RHD: variants seen among roughly 807,000 people sequenced by gnomAD.
The protein encoded by RHD is Rh blood group D antigen, also known as blood group Rh(D) polypeptide.
In RHD, 16 loss-of-function variants were observed where a neutral mutation model predicts 45.5. The observed-to-expected ratio is 0.35, with a 90% CI of 0.24 to 0.53. RHD has a LOEUF of 0.53. Ranked by LOEUF, RHD falls within the 20% of genes least tolerant of loss-of-function variation. RHD has a pLI of 0.92. For synonymous variants in RHD, 131 were observed against 217.5 expected (o/e 0.60, Z 3.50); for missense variants, 306 against 532.0 (o/e 0.58, Z 4.18).
intron 6 of RHD, among the ~76,000 whole-genome samples, chr1:25,305,838 G>A (rs1389690804): frequency 7.6e-6 from 1 of 130,976 alleles, no homozygotes; most frequent in South Asian, 2.3e-4. Context: ...CCGACTTCAG[G>A]TGATCCACCC....
At chr1:25,288,120 T>G (rs1287397807) in intron 2 of RHD, among the ~76,000 whole-genome samples, 3 of 132,362 alleles carry the variant, frequency 2.3e-5, no homozygotes, top group Non-Finnish European at 5.4e-5. Context: ...TGGGTTCAGG[T>G]GATCCTCCTG....
At chr1:25,280,554 C>A (rs1641397287) in intron 1 of RHD, among the ~76,000 whole-genome samples, 1 of 128,036 alleles carries the variant, frequency 7.8e-6, no homozygotes, top group Non-Finnish European at 1.8e-5. Flanking sequence ...GATCTGCCCA[C>A]CTCAGCCTCC....
chr1:25,302,989 A>G lies in RHD; in HGVS notation c.802-333A>G, dbSNP rs1381352746. Among the ~76,000 whole-genome samples the G allele has an allele frequency of 1.2e-4, 16 of 130,464 alleles. 2 individuals are homozygous for G. Among genetic ancestry groups the G allele is most frequent in the African/African-American group, 4.2e-4 (16 of 37,884 alleles). The allele number at this position is 130,464 out of a possible 152,430, so 85.6% of individuals were successfully genotyped here. On this transcript the variant is annotated intron_variant, in intron 5 of 9. Coordinates refer to ENST00000328664, the MANE Select transcript of RHD (RefSeq NM_016124.6). Reference sequence around the variant, plus strand: ...CAAGACCCTGTCTCTAAAAAATAAAACAAAAACCCATTCTTCCCGCTGCCC... The same window carrying G: ...CAAGACCCTGTCTCTAAAAAATAAAGCAAAAACCCATTCTTCCCGCTGCCC...
In RHD at chr1:25,280,769, G is replaced by A. The variant is rs923862727; in HGVS notation, c.149-3804G>A. Among the ~76,000 whole-genome samples, 11 of 130,498 alleles carry A rather than the reference G, an allele frequency of 8.4e-5. 1 individual carries two copies. Among genetic ancestry groups the A allele is most frequent in the African/African-American group, 2.4e-4 (9 of 38,090 alleles). 85.6% of individuals were successfully genotyped at this position (130,498 alleles called of 152,430 possible). On this transcript the variant is annotated intron_variant, in intron 1 of 9. Coordinates refer to ENST00000328664, the MANE Select transcript of RHD (RefSeq NM_016124.6). ...TGGGACTACAGGCACTCGCCACCAC[G>A]CCCAAGTAATTTTGTATTTTTTGTA... is the stretch of plus-strand genomic sequence containing the variant.
At chr1:25,323,573 C>T (rs537576460) in intron 9 of RHD, among the ~76,000 whole-genome samples, 1 of 125,616 alleles carries the variant, frequency 8.0e-6, no homozygotes, top group Non-Finnish European at 1.9e-5. Context: ...GATCCTCCCC[C>T]CTCAGCCTCC....
chr1:25,282,893 G>T (rs1343131872), intron 1 of RHD, among the ~76,000 whole-genome samples: 2 of 120,032 alleles, frequency 1.7e-5, no homozygotes, highest in Admixed American at 1.6e-4. Flanking sequence ...ACTCTGTCTC[G>T]AAAAAAAAAA....
chr1:25,321,531 G>GTGGT lies in RHD; in HGVS notation c.1154-357_1154-354dup, dbSNP rs1020056005. ...AAAAAAAAAAAAAAATTAGCTGGAT[G>GTGGT]TGGTGGCAGGCGCCTATAATCTCAG... On this transcript the variant is annotated intron_variant, in intron 8 of 9. Transcript: ENST00000328664. 1.2e-4 allele frequency among the ~76,000 whole-genome samples: 14 copies of GTGGT among 120,894 alleles called. 2 individuals are homozygous for GTGGT. The highest frequency in any genetic ancestry group is 3.6e-4 in the African/African-American group (13 of 36,356). The allele number at this position is 120,894 out of a possible 152,430, so 79.3% of individuals were successfully genotyped here. A position where few individuals can be genotyped will look rare whatever the true frequency, so the allele number is the denominator to read the frequency against.
At chr1:25,275,088 G>A (rs1221863119) in intron 1 of RHD, among the ~76,000 whole-genome samples, 2 of 132,144 alleles carry the variant, frequency 1.5e-5, no homozygotes, top group African/African-American at 5.2e-5. Flanking sequence ...TCAGGAGTTC[G>A]AGACCAGCCT....
intron 3 of RHD, among the ~76,000 whole-genome samples, chr1:25,292,430 G>T (rs1183398334): frequency 7.6e-6 from 1 of 132,368 alleles, no homozygotes; most frequent in African/African-American, 2.6e-5. Context: ...GATGGGAAGT[G>T]GTTGGATCCT....
chr1:25,307,176 A>T (rs1361676252), intron 7 of RHD, among the ~76,000 whole-genome samples: 2 of 132,004 alleles, frequency 1.5e-5, no homozygotes, highest in African/African-American at 5.2e-5. Context: ...GACTGTTGGG[A>T]TGCTACTGGA....
In RHD at chr1:25,277,518, G is replaced by A. The variant is rs1466156794; in HGVS notation, c.148+4823G>A. The stretch of plus-strand genomic sequence containing the variant: ...GTTCGAGAATTCCTGGAGCTAGACT[G>A]ATTCAAATCTTGCCTCTGTATCTTA... On this transcript the variant is annotated intron_variant, in intron 1 of 9. Transcript: ENST00000328664. 1.5e-5 allele frequency among the ~76,000 whole-genome samples: 2 copies of A among 132,766 alleles called. 1 individual carries two copies. Among genetic ancestry groups the A allele is most frequent in the Non-Finnish European group, 3.6e-5 (2 of 55,956 alleles). 87.1% of individuals were successfully genotyped at this position (132,766 alleles called of 152,430 possible).
intron 3 of RHD, among the ~76,000 whole-genome samples, chr1:25,292,568 T>C (rs1028765113): frequency 7.9e-6 from 1 of 127,372 alleles, no homozygotes; most frequent in African/African-American, 2.7e-5. Context: ...TTTACTGAGA[T>C]GGGGAATGTT....
intron 1 of RHD, among the ~76,000 whole-genome samples, chr1:25,275,161 G>A (rs1372841620): frequency 7.6e-6 from 1 of 131,622 alleles, no homozygotes; most frequent in African/African-American, 2.6e-5. Flanking sequence ...GTGGTGGCAC[G>A]TGCCTGTAGT....
At chr1:25,272,839 C>T (rs1000885917) in intron 1 of RHD, 144 bp downstream of exon 1, 1 of 1,085,890 alleles carries the variant, frequency 9.2e-7, no homozygotes, top group African/African-American at 1.5e-5. Context: ...GTAGATTGCA[C>T]CGAAATTCAG....
rs958522188 is a variant in RHD at position 25,272,980 on chromosome 1, A to G, written c.148+285A>G. Among the ~76,000 whole-genome samples the G allele has an allele frequency of 2.0e-4, 26 of 132,332 alleles. 4 individuals are homozygous for G. The highest frequency in any genetic ancestry group is 6.7e-4 in the African/African-American group (26 of 38,762). 86.8% of individuals were successfully genotyped at this position (132,332 alleles called of 152,430 possible). ...AAATTCCCTCTACCAAATGGTCTTC[A>G]TAATTCTCTGCTTCTCTGCTTCCCC... On this transcript the variant is annotated intron_variant, in intron 1 of 9. Transcript: ENST00000328664.
chr1:25,311,392 G>T (rs1377428548), intron 7 of RHD, among the ~76,000 whole-genome samples: 1 of 131,042 alleles, frequency 7.6e-6, no homozygotes, highest in East Asian at 1.9e-4. Flanking sequence ...AGGCGTGGTG[G>T]TGGGCGCCTG....
Position 25,308,309 on chromosome 1 carries a change from G to C in RHD, c.1073+1580G>C, listed in dbSNP as rs1643955958. Among the ~76,000 whole-genome samples, 4 of 111,698 alleles carry C rather than the reference G, an allele frequency of 3.6e-5. No homozygotes were observed. In the South Asian group the frequency reaches 1.1e-3, roughly 31 times the overall value. The allele number at this position is 111,698 out of a possible 152,430, so 73.3% of individuals were successfully genotyped here. The stretch of plus-strand genomic sequence containing the variant: ...TTCTCCACAGCACCTGCATCACTTG[G>C]AAACTTGTTAGAAATGCAAGCCCTA... On this transcript the variant is annotated intron_variant, in intron 7 of 9. Coordinates refer to ENST00000328664, the MANE Select transcript of RHD (RefSeq NM_016124.6).
chr1:25,329,087 C>G lies in RHD; in HGVS notation c.*163C>G, dbSNP rs755416541. 3.1e-6 allele frequency: 4 copies of G among 1,293,074 alleles called. 1 individual carries two copies. The highest frequency in any genetic ancestry group is 3.3e-6 in the Non-Finnish European group (3 of 910,510). The allele number at this position is 1,293,074 out of a possible 1,614,324, so 80.1% of individuals were successfully genotyped here. A position where few individuals can be genotyped will look rare whatever the true frequency, so the allele number is the denominator to read the frequency against. On this transcript the variant is annotated 3_prime_UTR_variant, in exon 10 of 10. Coordinates refer to ENST00000328664, the MANE Select transcript of RHD (RefSeq NM_016124.6). Reference sequence around the variant, plus strand: ...GGAGTTGAATCCTTTCTCTGCCACTCTTTGAGGAGAATCTCACCATTTATT... The same window carrying G: ...GGAGTTGAATCCTTTCTCTGCCACTGTTTGAGGAGAATCTCACCATTTATT...
At chr1:25,316,331 T>G (rs1644435594) in intron 7 of RHD, among the ~76,000 whole-genome samples, 1 of 128,812 alleles carries the variant, frequency 7.8e-6, no homozygotes, top group South Asian at 2.4e-4. Context: ...ACGAGAAAAC[T>G]GGGGCTGGCC....
Sources: allele counts gnomAD v4.1 joint callset (sites outside exome capture counted in the v4.1 genomes callset), GRCh38; gene constraint gnomAD v4.1.1; transcripts MANE v1.5; gene names NCBI Gene and HGNC (gene_info 2026-07-23, HGNC 2026-07-21).